Variants in GRIN2B observed in about 807,000 individuals in gnomAD.
GRIN2B encodes the protein glutamate ionotropic receptor NMDA type subunit 2B, also known as glutamate receptor ionotropic, NMDA 2B.
Under a neutral mutation model 114.5 loss-of-function variants are expected in GRIN2B, and 5 were observed. The observed-to-expected ratio is 0.04, with a 90% CI of 0.02 to 0.09. The LOEUF (loss-of-function observed/expected upper bound fraction) is 0.09. Among genes scored for constraint, GRIN2B ranks in the 10% least tolerant of loss-of-function variants. The pLI is 1.00. For synonymous variants in GRIN2B, 787 were observed against 745.1 expected, an observed-to-expected ratio of 1.06 and a Z score of -0.92; for missense variants, 1,108 against 1,943.5, an observed-to-expected ratio of 0.57 and a Z score of 8.08.
intron 3 of GRIN2B, among the ~76,000 whole-genome samples, chr12:13,820,211 C>A (rs1864908041): frequency 6.6e-6 from 1 of 152,108 alleles, no homozygotes; most frequent in South Asian, 2.1e-4. Flanking sequence ...CATGAGCCCC[C>A]AAGAGAAAAA....
chr12:13,967,161 C>G (rs529333076), intron 2 of GRIN2B, among the ~76,000 whole-genome samples: 2 of 152,344 alleles, frequency 1.3e-5, no homozygotes, highest in East Asian at 3.9e-4. Context: ...ACTGTCTTGG[C>G]TGTGTCCTAT....
At chr12:13,610,127 G>C (rs1421634763) in intron 9 of GRIN2B, 1 of 152,200 alleles carries the variant, frequency 6.6e-6, no homozygotes, top group Non-Finnish European at 1.5e-5. Flanking sequence ...GACAACTCAT[G>C]TTGAACCTGA....
intron 3 of GRIN2B, among the ~76,000 whole-genome samples, chr12:13,777,880 A>G (rs924143448): frequency 2.0e-5 from 3 of 152,152 alleles, no homozygotes; most frequent in African/African-American, 4.8e-5. Flanking sequence ...ATTTTTTACA[A>G]TATCTGTGGT....
At chr12:13,906,455 A>G (rs1420325322) in intron 2 of GRIN2B, among the ~76,000 whole-genome samples, 2 of 152,248 alleles carry the variant, frequency 1.3e-5, no homozygotes, top group Non-Finnish European at 2.9e-5. Flanking sequence ...TTGAGTTTCA[A>G]TAACAATAGG....
chr12:13,907,194 A>G (rs888549838), intron 2 of GRIN2B, among the ~76,000 whole-genome samples: 2 of 152,220 alleles, frequency 1.3e-5, no homozygotes, highest in African/African-American at 4.8e-5. Context: ...AGATGCTAAG[A>G]AAAAGCCTCC....
At chr12:13,636,390 GTT>G (rs963703830) in intron 5 of GRIN2B, among the ~76,000 whole-genome samples, 19 of 152,270 alleles carry the variant, frequency 1.2e-4, no homozygotes, top group Admixed American at 9.8e-4. Flanking sequence ...TCATGGCAGG[GTT>G]TTGAGCAAAT....
chr12:13,579,803 C>T (rs1490552695), intron 10 of GRIN2B, among the ~76,000 whole-genome samples: 1 of 152,112 alleles, frequency 6.6e-6, no homozygotes, highest in Admixed American at 6.5e-5. Context: ...CAGATATTTC[C>T]CTACACTACT....
At position 13,897,364 on chromosome 12, in the gene GRIN2B, T is replaced by C. The variant is rs1218487131; in HGVS notation, c.-18-31138A>G. On this transcript the variant is annotated intron_variant, in intron 2 of 13. Transcript: ENST00000609686. The stretch of plus-strand genomic sequence containing the variant: ...CCCAGCCCTGCCCCTGCTTCACCGG[T>C]AAAGCCAAAATCTACCAATGAGCAG... 2.0e-5 allele frequency among the ~76,000 whole-genome samples: 3 copies of C among 152,230 alleles called. No homozygotes were observed. The East Asian group carries it at 5.8e-4, about 29-fold the overall frequency.
chr12:13,934,033 CAT>C (rs886395369), intron 2 of GRIN2B, among the ~76,000 whole-genome samples: 2 of 152,214 alleles, frequency 1.3e-5, no homozygotes, highest in Non-Finnish European at 2.9e-5. Context: ...ACTATATGCA[CAT>C]AGAGGCATGA....
intron 4 of GRIN2B, among the ~76,000 whole-genome samples, chr12:13,680,436 T>TTTTGTGTGTGTGTGTGTG (rs1950118345): frequency 8.1e-6 from 1 of 123,480 alleles, no homozygotes; most frequent in African/African-American, 3.0e-5. Flanking sequence ...CCCATCAAGG[T>TTTTGTGTGTGTGTGTGTG]TGTGTGTGTG....
At chr12:13,714,704 G>A (rs920037255) in intron 4 of GRIN2B, among the ~76,000 whole-genome samples, 9 of 151,878 alleles carry the variant, frequency 5.9e-5, no homozygotes, top group African/African-American at 1.7e-4. Context: ...CAAATGTTCT[G>A]AGAATATATT....
At chr12:13,688,448 T>C (rs1334248413) in intron 4 of GRIN2B, among the ~76,000 whole-genome samples, 2 of 152,154 alleles carry the variant, frequency 1.3e-5, no homozygotes, top group African/African-American at 2.4e-5. Flanking sequence ...GCTATGTTCA[T>C]AGGATAATTA....
chr12:13,807,936 A>T (rs1465193028), intron 3 of GRIN2B, among the ~76,000 whole-genome samples: 5 of 151,970 alleles, frequency 3.3e-5, no homozygotes, highest in Non-Finnish European at 5.9e-5. Context: ...ATAATCCATA[A>T]TCTGTTATGC....
chr12:13,737,919 G>A (rs2136612522), intron 4 of GRIN2B, among the ~76,000 whole-genome samples: 1 of 152,250 alleles, frequency 6.6e-6, no homozygotes, highest in South Asian at 2.1e-4. Flanking sequence ...GAAAAATTAT[G>A]TTCTTTCTTA....
intron 2 of GRIN2B, among the ~76,000 whole-genome samples, chr12:13,916,943 A>C (rs1038187033): frequency 5.1e-4 from 77 of 152,070 alleles, no homozygotes; most frequent in African/African-American, 1.7e-3. Context: ...GTAACCTTTG[A>C]GTTGCAACTT....
chr12:13,673,717 C>T (rs1465387496), intron 5 of GRIN2B, among the ~76,000 whole-genome samples: 1 of 151,970 alleles, frequency 6.6e-6, no homozygotes, highest in African/African-American at 2.4e-5. Flanking sequence ...AGATTCTGGA[C>T]TCAAGAAGAG....
chr12:13,912,773 G>A (rs1402965033), intron 2 of GRIN2B, among the ~76,000 whole-genome samples: 1 of 152,090 alleles, frequency 6.6e-6, no homozygotes, highest in East Asian at 1.9e-4. Flanking sequence ...AGTTCTTCGG[G>A]GGAGTGAATG....
In GRIN2B at chr12:13,611,586, G is replaced by A. The variant is rs1949366017; in HGVS notation, c.1780+139C>T. On this transcript the variant is annotated intron_variant, in intron 9 of 13. Coordinates refer to ENST00000609686, the MANE Select transcript of GRIN2B (RefSeq NM_000834.5). ...ATTTCTAAAGAGACGCCAAGCTGGT[G>A]ACTTAGAAATGTTCACCTGAGGGTT... The A allele has an allele frequency of 3.5e-6, 3 of 866,364 alleles. No individual in the cohort carries two copies. The South Asian group carries it at 4.0e-5, about 12-fold the overall frequency. The allele number at this position is 866,364 out of a possible 1,614,324, so 53.7% of individuals were successfully genotyped here.
intron 4 of GRIN2B, among the ~76,000 whole-genome samples, chr12:13,737,454 G>T (rs1169080137): frequency 6.6e-6 from 1 of 151,982 alleles, no homozygotes; most frequent in African/African-American, 2.4e-5. Flanking sequence ...CTTGTGATCT[G>T]CCTGCCTCAG....
Sources: allele counts gnomAD v4.1 joint callset (sites outside exome capture counted in the v4.1 genomes callset), GRCh38; gene constraint gnomAD v4.1.1; transcripts MANE v1.5; gene names NCBI Gene and HGNC (gene_info 2026-07-23, HGNC 2026-07-21).